ABR: variants seen among roughly 807,000 people sequenced by gnomAD.
ABR encodes active breakpoint cluster region-related protein.
In ABR, 35 loss-of-function variants were observed where a neutral mutation model predicts 107.2. The ratio of observed to expected loss-of-function variants is 0.33; its 90% CI spans 0.25 to 0.43. ABR has a LOEUF of 0.43. Ranked by LOEUF, ABR falls within the 20% of genes least tolerant of loss-of-function variation. ABR has a pLI of 1.00. For synonymous variants in ABR, 498 were observed against 462.0 expected (o/e 1.08, Z -1.00); for missense variants, 815 against 1,115.2 (o/e 0.73, Z 3.83).
At chr17:1,212,696 C>G (rs1322634296) in intron 1 of ABR, among the ~76,000 whole-genome samples, 2 of 152,160 alleles carry the variant, frequency 1.3e-5, no homozygotes, top group African/African-American at 2.4e-5. Flanking sequence ...TTGAGACCAG[C>G]CTGATCAACA....
intron 2 of ABR, chr17:1,109,080 C>A (rs1262825023): frequency 1.4e-5 from 22 of 1,592,628 alleles, no homozygotes; most frequent in Non-Finnish European, 1.9e-5. Context: ...GCAGCCGGAG[C>A]CCGCGGAGGG....
intron 1 of ABR, among the ~76,000 whole-genome samples, chr17:1,215,983 C>CGTTAA (rs2042998982): frequency 7.4e-6 from 1 of 134,304 alleles, no homozygotes; most frequent in East Asian, 2.2e-4. Flanking sequence ...GCAGCGTGCT[C>CGTTAA]GTTAAGAGTC....
intron 1 of ABR, among the ~76,000 whole-genome samples, chr17:1,216,186 AAAAG>A (rs1340078858): frequency 2.0e-5 from 3 of 152,012 alleles, no homozygotes; most frequent in Admixed American, 6.6e-5. Context: ...ACTAAAAAAA[AAAAG>A]AAAGAAACTG....
At chr17:1,009,611 G>A in intron 21 of ABR, 68 bp downstream of exon 21, 1 of 1,445,140 alleles carries the variant, frequency 6.9e-7, no homozygotes, top group South Asian at 1.1e-5. Context: ...GGTGGGGTTG[G>A]GGCCCCTCCC....
In ABR at chr17:1,058,069, A is replaced by G. The variant is rs1272804959; in HGVS notation, c.1306-24T>C. ...CTCTGAAGAGAGGAGATAAGCATAAAGTGGGTGACCACAGTCAGGCAAAGC... is the reference window on the plus strand; with the variant it reads ...CTCTGAAGAGAGGAGATAAGCATAAGGTGGGTGACCACAGTCAGGCAAAGC... On this transcript the variant is annotated intron_variant, in intron 11 of 22. Coordinates refer to ENST00000302538, the MANE Select transcript of ABR (RefSeq NM_021962.5). The G allele has an allele frequency of 2.5e-6, 4 of 1,593,220 alleles. No individual in the cohort carries two copies. In the South Asian group the frequency reaches 4.4e-5, roughly 18 times the overall value.
In ABR at chr17:1,179,834, C is replaced by A. The variant is rs976871242; in HGVS notation, c.-107G>T. On this transcript the variant is annotated 5_prime_UTR_variant, in exon 1 of 23. Transcript: ENST00000302538. This position sits in a 1 kb window ranked among gnomAD's most constrained non-coding sequence, Gnocchi z 4.9. ...GGCCGAAGTTGCGAGCGCGGAGGGG[C>A]GAGGAGGCCGGGAACCAGGTCCCCG... 74 of 1,193,542 alleles carry A rather than the reference C, an allele frequency of 6.2e-5. No homozygotes were observed. The highest frequency in any genetic ancestry group is 8.0e-5 in the Non-Finnish European group (73 of 912,724). The allele number at this position is 1,193,542 out of a possible 1,614,324, so 73.9% of individuals were successfully genotyped here. A position where few individuals can be genotyped will look rare whatever the true frequency, so the allele number is the denominator to read the frequency against.
intron 1 of ABR, among the ~76,000 whole-genome samples, chr17:1,226,771 C>T (rs1323849035): frequency 7.1e-6 from 1 of 141,350 alleles, no homozygotes; most frequent in Non-Finnish European, 1.5e-5. Context: ...TGTGTGCATG[C>T]ATGTGACAGT....
Position 1,145,799 on chromosome 17 carries a change from C to T in ABR, c.62-20432G>A, listed in dbSNP as rs953412217. Among the ~76,000 whole-genome samples the T allele has an allele frequency of 2.6e-5, 4 of 152,210 alleles. 1 individual carries two copies. The highest frequency in any genetic ancestry group is 3.8e-4 in the East Asian group (2 of 5,196). ...AGGGTGCCCTTCAATCCCAGAGCCA[C>T]GCAGCTCCGGGCTCCTGCCCCTGTC... On this transcript the variant is annotated intron_variant, in intron 1 of 22. Transcript: ENST00000302538.
At chr17:1,031,925 C>T (rs577568019) in intron 16 of ABR, 1 of 1,028,632 alleles carries the variant, frequency 9.7e-7, no homozygotes, top group Non-Finnish European at 1.2e-6. Context: ...CCTCCCTCCT[C>T]CGCATCCCTC....
chr17:1,211,138 G>A (rs1298686014), intron 1 of ABR, among the ~76,000 whole-genome samples: 1 of 152,158 alleles, frequency 6.6e-6, no homozygotes, highest in Non-Finnish European at 1.5e-5. Context: ...AATTAGCCAG[G>A]CGTGGTGGCA....
Position 1,179,620 on chromosome 17 carries a change from G to A in ABR, c.61+47C>T. Reference sequence around the variant, plus strand: ...CCTGGGGTCCCGATCTCCATCCTGGGGTCCCGATCCCGATCCTGGGGTCCC... The same window carrying A: ...CCTGGGGTCCCGATCTCCATCCTGGAGTCCCGATCCCGATCCTGGGGTCCC... On this transcript the variant is annotated intron_variant, in intron 1 of 22. Transcript: ENST00000302538. This position sits in a 1 kb window ranked among gnomAD's most constrained non-coding sequence, Gnocchi z 4.9. 1.4e-6 allele frequency: 2 copies of A among 1,465,096 alleles called. No homozygotes were observed. Among genetic ancestry groups the A allele is most frequent in the Non-Finnish European group, 9.1e-7 (1 of 1,103,252 alleles). The allele number at this position is 1,465,096 out of a possible 1,614,324, so 90.8% of individuals were successfully genotyped here.
intron 4 of ABR, among the ~76,000 whole-genome samples, chr17:1,089,102 A>T (rs1227586138): frequency 6.6e-6 from 1 of 151,566 alleles, no homozygotes; most frequent in East Asian, 2.0e-4. Flanking sequence ...TCCACCATGT[A>T]GGCCAGGCTG....
chr17:1,024,234 G>C (rs78264756), intron 16 of ABR, among the ~76,000 whole-genome samples: 1 of 151,922 alleles, frequency 6.6e-6, no homozygotes, highest in Non-Finnish European at 1.5e-5. Context: ...TGGCGTCGTC[G>C]AGAAGAACCG....
intron 1 of ABR, among the ~76,000 whole-genome samples, chr17:1,194,270 C>G (rs1255580712): frequency 3.3e-5 from 5 of 151,846 alleles, no homozygotes; most frequent in Non-Finnish European, 7.4e-5. Context: ...TCACTGCAAC[C>G]TCCGCCTCCC....
upstream of ABR, among the ~76,000 whole-genome samples, chr17:1,190,794 G>A (rs559342726): frequency 2.0e-4 from 31 of 152,370 alleles, no homozygotes; most frequent in African/African-American, 7.5e-4. Flanking sequence ...CTCACGGTAT[G>A]CTCAACCCCT....
chr17:1,116,947 CA>C (rs2039018073), intron 2 of ABR, among the ~76,000 whole-genome samples: 1 of 152,180 alleles, frequency 6.6e-6, no homozygotes, highest in South Asian at 2.1e-4. Context: ...AGGTCCGGAG[CA>C]GTCAGGAGGG....
At chr17:1,202,816 A>G (rs1391392836) in intron 1 of ABR, among the ~76,000 whole-genome samples, 1 of 152,054 alleles carries the variant, frequency 6.6e-6, no homozygotes, top group Non-Finnish European at 1.5e-5. Context: ...GCTTGGGAGA[A>G]AGTGGTCAGC....
intron 1 of ABR, among the ~76,000 whole-genome samples, chr17:1,178,420 C>A (rs1203430302): frequency 6.6e-6 from 1 of 151,922 alleles, no homozygotes; most frequent in African/African-American, 2.4e-5. Context: ...AAAAATTAGC[C>A]GAGAGTGGTG....
Position 1,162,093 on chromosome 17 carries a change from G to A in ABR, c.61+17574C>T, listed in dbSNP as rs138405545. On this transcript the variant is annotated intron_variant, in intron 1 of 22. Transcript: ENST00000302538. ...TGTTGCAATTTCTCTTTCCTTTGCC[G>A]ACACATCCTCCAGAGGTTAGAGACT... Among the ~76,000 whole-genome samples, 10 of 152,288 alleles carry A rather than the reference G, an allele frequency of 6.6e-5. No individual in the cohort carries two copies. The South Asian group carries it at 1.0e-3, about 16-fold the overall frequency.
Sources: allele counts gnomAD v4.1 joint callset (sites outside exome capture counted in the v4.1 genomes callset), GRCh38; gene constraint gnomAD v4.1.1; non-coding constraint Gnocchi (gnomAD v3.1); transcripts MANE v1.5; gene names NCBI Gene and HGNC (gene_info 2026-07-23, HGNC 2026-07-21).